Variants in IL4R observed in about 807,000 individuals in gnomAD.
The protein encoded by IL4R is interleukin-4 receptor subunit alpha.
Under a neutral mutation model 41.5 loss-of-function variants are expected in IL4R, and 17 were observed. That is an observed-to-expected ratio of 0.41 (90% CI 0.28 to 0.61). The LOEUF (loss-of-function observed/expected upper bound fraction) is 0.61, where lower values mean the gene tolerates loss of function less well. IL4R is among the 20% of genes least tolerant of loss of function. The probability of loss-of-function intolerance (pLI) is 0.31; values close to 1 mark genes in which losing one functional copy is unlikely to be tolerated. For missense variants in IL4R, 974 were observed against 1,043.1 expected (o/e 0.93, Z 0.91); for synonymous variants, 402 against 422.9 (o/e 0.95, Z 0.61).
chr16:27,325,364 G>C (rs1176296071), intron 1 of IL4R, among the ~76,000 whole-genome samples: 1 of 152,130 alleles, frequency 6.6e-6, no homozygotes, highest in Non-Finnish European at 1.5e-5. Flanking sequence ...CTGAGGTCAG[G>C]AGTTTGAGAC....
At chr16:27,347,889 A>C (rs2085708114) in intron 6 of IL4R, among the ~76,000 whole-genome samples, 1 of 152,084 alleles carries the variant, frequency 6.6e-6, no homozygotes, top group Admixed American at 6.6e-5. Flanking sequence ...GATACAGATG[A>C]GCTCCCCTGT....
At chr16:27,356,989 G>A (rs1463653083) in intron 8 of IL4R, among the ~76,000 whole-genome samples, 1 of 152,102 alleles carries the variant, frequency 6.6e-6, no homozygotes, top group African/African-American at 2.4e-5. Flanking sequence ...CAGAGCCTCA[G>A]TCCTCCCATC....
At chr16:27,320,375 A>G (rs2084779547) in intron 1 of IL4R, among the ~76,000 whole-genome samples, 1 of 152,240 alleles carries the variant, frequency 6.6e-6, no homozygotes, top group South Asian at 2.1e-4. Context: ...TGCTTGAATC[A>G]TCCCGAAGCC....
chr16:27,356,064 G>A (rs1418228052), intron 8 of IL4R, among the ~76,000 whole-genome samples, 157 bp downstream of exon 8: 2 of 149,694 alleles, frequency 1.3e-5, no homozygotes, highest in African/African-American at 2.5e-5. Context: ...AGAACATATC[G>A]ACAAGGACCC....
At chr16:27,358,082 C>T (rs530810723) in intron 8 of IL4R, among the ~76,000 whole-genome samples, 3 of 151,760 alleles carry the variant, frequency 2.0e-5, no homozygotes, top group East Asian at 1.9e-4. Flanking sequence ...TTAGTAGAGA[C>T]GGTGTTTCAC....
chr16:27,347,438 G>T (rs1410077323), intron 6 of IL4R, among the ~76,000 whole-genome samples: 1 of 152,142 alleles, frequency 6.6e-6, no homozygotes, highest in Non-Finnish European at 1.5e-5. Flanking sequence ...TGATCCACTC[G>T]CCTTGGCCTC....
rs1486253324 is a variant in IL4R, at chr16:27,345,963, T to A, written c.362-504T>A. On this transcript the variant is annotated intron_variant, in intron 5 of 10. Transcript: ENST00000395762. This position sits in a 1 kb window ranked among gnomAD's most constrained non-coding sequence, Gnocchi z 4.5. ...CTCCAGCCTGGGCGACAGAGTGAGA[T>A]TACGTCTCAAAAAAATAAAAATAAA... Among the ~76,000 whole-genome samples the A allele has an allele frequency of 1.3e-5, 2 of 150,270 alleles. No homozygotes were observed. The highest frequency in any genetic ancestry group is 3.9e-4 in the East Asian group (2 of 5,084).
At chr16:27,361,273 A>T (rs1315996101) in intron 10 of IL4R, among the ~76,000 whole-genome samples, 3 of 151,796 alleles carry the variant, frequency 2.0e-5, no homozygotes, top group Non-Finnish European at 4.4e-5. Flanking sequence ...CGAGTAGCTG[A>T]TACTACAGAT....
intron 3 of IL4R, 104 bp downstream of exon 3, chr16:27,340,377 G>A: frequency 1.2e-6 from 1 of 819,120 alleles, no homozygotes; most frequent in Non-Finnish European, 2.1e-6. Context: ...CAGTGGGAGG[G>A]GACAGCCAAT....
intron 9 of IL4R, among the ~76,000 whole-genome samples, chr16:27,359,454 G>T (rs767888850): frequency 6.6e-6 from 1 of 152,226 alleles, no homozygotes; most frequent in Non-Finnish European, 1.5e-5. Flanking sequence ...TAAGCCAGGG[G>T]TGGAGTCAGC....
At chr16:27,329,422 A>C (rs905641904) in intron 1 of IL4R, among the ~76,000 whole-genome samples, 2 of 152,112 alleles carry the variant, frequency 1.3e-5, no homozygotes, top group African/African-American at 4.8e-5. Context: ...CATGCCTGTA[A>C]TCCCAGCACT....
chr16:27,348,625 C>T (rs936982831), intron 6 of IL4R, among the ~76,000 whole-genome samples: 6 of 152,120 alleles, frequency 3.9e-5, no homozygotes, highest in African/African-American at 1.2e-4. Flanking sequence ...TTTTTCTTGA[C>T]GGTTCTAATA....
At chr16:27,350,921 G>A (rs538580627) in intron 6 of IL4R, among the ~76,000 whole-genome samples, 5 of 152,324 alleles carry the variant, frequency 3.3e-5, no homozygotes, top group African/African-American at 1.2e-4. Flanking sequence ...ACAAGCAAAT[G>A]TGTGTGTTCA....
intron 2 of IL4R, among the ~76,000 whole-genome samples, chr16:27,337,625 C>G (rs1041559499): frequency 3.3e-5 from 5 of 150,562 alleles, no homozygotes; most frequent in African/African-American, 1.2e-4. Context: ...TGTCGCCCAG[C>G]CTAGAGTGCA....
chr16:27,361,828 C>T (rs1028331738), intron 10 of IL4R, among the ~76,000 whole-genome samples: 1 of 152,034 alleles, frequency 6.6e-6, no homozygotes, highest in African/African-American at 2.4e-5. Context: ...CTCTGTTGCC[C>T]AGGCTGTTCT....
Position 27,345,975 on chromosome 16 carries a change from AAAATAAAAAT to A in IL4R, c.362-478_362-469del, listed in dbSNP as rs2141151091. ...CGACAGAGTGAGATTACGTCTCAAA[AAAATAAAAAT>A]AAATAAAAATAAAAAGATTTTTTAA... On this transcript the variant is annotated intron_variant, in intron 5 of 10. Transcript: ENST00000395762. The surrounding 1 kb of genome is among the most constrained non-coding windows in gnomAD (Gnocchi z 4.5). 6.6e-6 allele frequency among the ~76,000 whole-genome samples: 1 copy of A among 152,304 alleles called. No homozygotes were observed. The highest frequency in any genetic ancestry group is 1.5e-5 in the Non-Finnish European group (1 of 68,024).
intron 2 of IL4R, among the ~76,000 whole-genome samples, chr16:27,336,975 G>C (rs1433236479): frequency 6.6e-6 from 1 of 152,128 alleles, no homozygotes; most frequent in Non-Finnish European, 1.5e-5. Context: ...TACTCAGAAG[G>C]CTGAGGCAGG....
intron 3 of IL4R, 116 bp from the exon 4 acceptor site, chr16:27,342,005 C>T: frequency 8.8e-7 from 1 of 1,132,050 alleles, no homozygotes. Context: ...TGGGCGCTGG[C>T]CCTCAACTTT....
chr16:27,363,302 C>T lies in IL4R; in HGVS notation c.1950C>T (p.Val650=). The T allele has an allele frequency of 6.2e-7, 1 of 1,609,460 alleles. No individual in the cohort carries two copies. Among genetic ancestry groups the T allele is most frequent in the Non-Finnish European group, 8.5e-7 (1 of 1,177,328 alleles). Residue 650 remains valine, a synonymous_variant, in exon 11 of 11, where the codon GTC becomes GTT. Transcript: ENST00000395762. The stretch of plus-strand genomic sequence containing the variant: ...CTGGGGACCCTGCCCCAGTCCCTGT[C>T]CCCTTGTTCACCTTTGGACTGGACA... ...GCPGDPAPVP[V]PLFTFGLDRE...
Sources: allele counts gnomAD v4.1 joint callset (sites outside exome capture counted in the v4.1 genomes callset), GRCh38; gene constraint gnomAD v4.1.1; non-coding constraint Gnocchi (gnomAD v3.1); transcripts MANE v1.5; gene names NCBI Gene and HGNC (gene_info 2026-07-23, HGNC 2026-07-21).